The following PRELID2 variants were observed in gnomAD, a reference collection of about 807,000 sequenced individuals.
The protein encoded by PRELID2 is PRELI domain-containing protein 2.
PRELID2 carries 25 observed loss-of-function variants against 28.4 expected under a neutral mutation model. The observed-to-expected ratio is 0.88, with a 90% CI of 0.64 to 1.23. The LOEUF (loss-of-function observed/expected upper bound fraction) is 1.23, where lower values mean the gene tolerates loss of function less well. PRELID2 is among the 50% of genes most tolerant of loss of function. PRELID2 has a pLI of 0.00. For missense variants in PRELID2, 201 were observed against 214.4 expected, an observed-to-expected ratio of 0.94 and a Z score of 0.39; for synonymous variants, 76 against 71.6, an observed-to-expected ratio of 1.06 and a Z score of -0.31.
At chr5:145,705,187 A>T (rs1252751520) in intron 1 of PRELID2, among the ~76,000 whole-genome samples, 2 of 151,996 alleles carry the variant, frequency 1.3e-5, no homozygotes, top group African/African-American at 4.8e-5. Context: ...TCTGAACCCA[A>T]AAAGTACCTT....
At chr5:145,528,716 C>T (rs1163628784) in intron 1 of PRELID2, among the ~76,000 whole-genome samples, 1 of 133,304 alleles carries the variant, frequency 7.5e-6, no homozygotes, top group Non-Finnish European at 1.6e-5. Context: ...CACACACACA[C>T]ACACACACAC....
At chr5:145,330,204 T>C in the PRELID2 span, among the ~76,000 whole-genome samples, 13 of 152,174 alleles carry the variant, frequency 8.5e-5, no homozygotes, top group African/African-American at 2.9e-4. Flanking sequence ...TTTGAATTGA[T>C]GTTCATCAGG....
the PRELID2 span, among the ~76,000 whole-genome samples, chr5:145,268,674 C>A: frequency 2.0e-5 from 3 of 152,024 alleles, no homozygotes; most frequent in Non-Finnish European, 4.4e-5. Context: ...TTATATTCAG[C>A]ATTATATAAG....
downstream of PRELID2, among the ~76,000 whole-genome samples, chr5:145,469,151 A>C (rs938518738): frequency 1.3e-5 from 2 of 152,078 alleles, no homozygotes; most frequent in Non-Finnish European, 2.9e-5. Flanking sequence ...CAAGCTTTCA[A>C]GTTCACCATT....
At chr5:145,534,414 T>C (rs1463013711) in intron 1 of PRELID2, among the ~76,000 whole-genome samples, 1 of 152,042 alleles carries the variant, frequency 6.6e-6, no homozygotes, top group Non-Finnish European at 1.5e-5. Context: ...TACCTTTTAA[T>C]AGGTATTGCA....
At chr5:145,433,149 A>T in the PRELID2 span, among the ~76,000 whole-genome samples, 1 of 152,086 alleles carries the variant, frequency 6.6e-6, no homozygotes, top group Non-Finnish European at 1.5e-5. Flanking sequence ...CCACACTGAT[A>T]ATTAATTTCT....
chr5:145,577,743 C>A (rs941411640), intron 1 of PRELID2, among the ~76,000 whole-genome samples: 1 of 152,030 alleles, frequency 6.6e-6, no homozygotes, highest in Non-Finnish European at 1.5e-5. Flanking sequence ...TATTTGGGTT[C>A]TTTTTAATGG....
the PRELID2 span, among the ~76,000 whole-genome samples, chr5:145,257,378 A>C: frequency 2.6e-5 from 4 of 152,122 alleles, no homozygotes; most frequent in Middle Eastern, 6.4e-3. Context: ...TTAACAGAGG[A>C]GGGTATAATT....
At chr5:145,508,513 A>G (rs1418098294) in intron 1 of PRELID2, among the ~76,000 whole-genome samples, 1 of 152,002 alleles carries the variant, frequency 6.6e-6, no homozygotes, top group East Asian at 1.9e-4. Context: ...ATTTAATGGG[A>G]TGGTGACTGA....
the PRELID2 span, among the ~76,000 whole-genome samples, chr5:145,391,773 A>T: frequency 4.0e-5 from 6 of 151,570 alleles, no homozygotes; most frequent in South Asian, 1.3e-3. Flanking sequence ...CTGCTTACAA[A>T]TTTTTTCCAC....
the PRELID2 span, among the ~76,000 whole-genome samples, chr5:145,291,183 C>G: frequency 2.3e-5 from 3 of 129,600 alleles, no homozygotes; most frequent in African/African-American, 1.0e-4. Context: ...ACTAAAAATA[C>G]AAAAGTTTGC....
chr5:145,685,733 C>A (rs1180973835), intron 1 of PRELID2, among the ~76,000 whole-genome samples: 1 of 152,090 alleles, frequency 6.6e-6, no homozygotes, highest in Non-Finnish European at 1.5e-5. Flanking sequence ...CTGTAAAAAG[C>A]AGGAGTCCCA....
chr5:145,664,470 A>G (rs1192173936), intron 1 of PRELID2, among the ~76,000 whole-genome samples: 2 of 152,106 alleles, frequency 1.3e-5, no homozygotes, highest in Non-Finnish European at 2.9e-5. Flanking sequence ...TCTCTTCTTG[A>G]ATTGAAATGC....
the PRELID2 span, among the ~76,000 whole-genome samples, chr5:145,350,632 A>G: frequency 6.6e-6 from 1 of 152,182 alleles, no homozygotes; most frequent in Non-Finnish European, 1.5e-5. Context: ...GATTTCTCTT[A>G]TATAAATATA....
At chr5:145,709,732 T>G (rs1425769141) in intron 1 of PRELID2, among the ~76,000 whole-genome samples, 1 of 152,184 alleles carries the variant, frequency 6.6e-6, no homozygotes, top group Non-Finnish European at 1.5e-5. Context: ...TTATTCTCTT[T>G]CAAATACAAT....
At chr5:145,417,010 A>G in the PRELID2 span, among the ~76,000 whole-genome samples, 1 of 152,070 alleles carries the variant, frequency 6.6e-6, no homozygotes, top group Non-Finnish European at 1.5e-5. Flanking sequence ...ACAGACTGCA[A>G]GCTAGACACA....
chr5:145,707,742 G>T (rs1016992153), intron 1 of PRELID2, among the ~76,000 whole-genome samples: 3 of 152,132 alleles, frequency 2.0e-5, no homozygotes, highest in Non-Finnish European at 4.4e-5. Flanking sequence ...CTCAGATCAA[G>T]TCAAATCCAA....
At chr5:145,511,473 G>T (rs1752460732) in intron 1 of PRELID2, among the ~76,000 whole-genome samples, 1 of 152,210 alleles carries the variant, frequency 6.6e-6, no homozygotes, top group African/African-American at 2.4e-5. Context: ...CACCAGGAAA[G>T]CATCTGAAGG....
At chr5:145,617,742 TTTTA>T (rs1753719390) in intron 1 of PRELID2, among the ~76,000 whole-genome samples, 1 of 149,840 alleles carries the variant, frequency 6.7e-6, no homozygotes, top group Non-Finnish European at 1.5e-5. Flanking sequence ...TTTTTTTTTT[TTTTA>T]AATTGAGACA....
Sources: gnomAD v4.1 joint callset for allele counts (sites outside exome capture counted in the v4.1 genomes callset) on GRCh38, gnomAD v4.1.1 for gene constraint, MANE v1.5 for transcripts, NCBI Gene and HGNC (gene_info 2026-07-23, HGNC 2026-07-21) for gene names.